Variants in PRKCD observed in about 807,000 individuals in gnomAD.
PRKCD encodes protein kinase C delta.
Under a neutral mutation model 82.2 loss-of-function variants are expected in PRKCD, and 20 were observed. The ratio of observed to expected loss-of-function variants is 0.24; its 90% CI spans 0.17 to 0.35. The LOEUF (loss-of-function observed/expected upper bound fraction) is 0.35, where lower values mean the gene tolerates loss of function less well. PRKCD is among the 10% of genes least tolerant of loss of function. PRKCD has a pLI of 1.00. For synonymous variants in PRKCD, 317 were observed against 337.0 expected (o/e 0.94, Z 0.65); for missense variants, 607 against 899.0 (o/e 0.68, Z 4.15).
chr3:53,187,707 G>A (rs976337408), intron 15 of PRKCD, among the ~76,000 whole-genome samples: 1 of 152,130 alleles, frequency 6.6e-6, no homozygotes, highest in Admixed American at 6.5e-5. Context: ...TCTGCCAGAA[G>A]GGACTCCTTC....
At chr3:53,186,565 C>T in intron 13 of PRKCD, 39 bp from the exon 14 acceptor site, 1 of 1,558,978 alleles carries the variant, frequency 6.4e-7, no homozygotes, top group Non-Finnish European at 8.8e-7. Flanking sequence ...GAGCCTCCTG[C>T]CTATTCCTCA....
At chr3:53,168,578 G>A (rs528723332) in intron 2 of PRKCD, among the ~76,000 whole-genome samples, 2 of 152,086 alleles carry the variant, frequency 1.3e-5, no homozygotes, top group South Asian at 4.2e-4. Flanking sequence ...CTTGAGCCAG[G>A]GACTGGACCG....
chr3:53,162,786 C>CA (rs1174668556), intron 1 of PRKCD, among the ~76,000 whole-genome samples: 1 of 150,970 alleles, frequency 6.6e-6, no homozygotes, highest in Non-Finnish European at 1.5e-5. Flanking sequence ...CTGGGTATAT[C>CA]ATGGTGACCA....
At chr3:53,191,860 T>C (rs1467915129) in intron 18 of PRKCD, among the ~76,000 whole-genome samples, 1 of 152,206 alleles carries the variant, frequency 6.6e-6, no homozygotes, top group East Asian at 1.9e-4. Context: ...GATTCGGTGG[T>C]CTCTGAGCAA....
At chr3:53,165,956 G>T (rs1702817817) in intron 2 of PRKCD, among the ~76,000 whole-genome samples, 1 of 152,206 alleles carries the variant, frequency 6.6e-6, no homozygotes, top group Non-Finnish European at 1.5e-5. Flanking sequence ...TGGTGACTGG[G>T]TGACCGGGCC....
At chr3:53,187,667 G>A (rs782120238) in intron 15 of PRKCD, among the ~76,000 whole-genome samples, 59 of 152,104 alleles carry the variant, frequency 3.9e-4, no homozygotes, top group Non-Finnish European at 6.0e-4. Flanking sequence ...CGTCAGTCTC[G>A]CTCTGAAGCC....
chr3:53,183,526 T>C lies in PRKCD; in HGVS notation c.732T>C (p.Cys244=), dbSNP rs1553668256. 6.2e-7 allele frequency: 1 copy of C among 1,614,196 alleles called. No homozygotes were observed. The highest frequency in any genetic ancestry group is 8.5e-7 in the Non-Finnish European group (1 of 1,180,016). The stretch of plus-strand genomic sequence containing the variant: ...ACAACTACATGAGCCCCACCTTCTG[T>C]GACCACTGCGGCAGCCTGCTCTGGG... The part of the protein sequence containing the change: ...KVHNYMSPTF[C]DHCGSLLWGL... The change falls in exon 9 of 19, where the codon TGT becomes TGC. Residue 244 remains cysteine (C), a synonymous_variant. Transcript: ENST00000330452.
chr3:53,178,774 G>T lies in PRKCD; in HGVS notation c.115+237G>T, dbSNP rs76091069. Reference sequence around the variant, plus strand: ...TGGAGTTTCTGGTTCCTCCTCCCTGGTTGTTTTACCCAGCAATTTTTACAT... The same window carrying T: ...TGGAGTTTCTGGTTCCTCCTCCCTGTTTGTTTTACCCAGCAATTTTTACAT... On this transcript the variant is annotated intron_variant, in intron 3 of 18. Coordinates refer to ENST00000330452, the MANE Select transcript of PRKCD (RefSeq NM_006254.4). 7.9e-5 allele frequency among the ~76,000 whole-genome samples: 12 copies of T among 152,354 alleles called. No homozygotes were observed. The East Asian group carries it at 2.3e-3, about 29-fold the overall frequency.
rs1391550744 is a variant in PRKCD, at chr3:53,179,611, C to T, written c.150C>T (p.Thr50=). The change falls in exon 4 of 19, where the codon ACC becomes ACT. Residue 50 remains threonine (T), a synonymous_variant. Coordinates refer to ENST00000330452, the MANE Select transcript of PRKCD (RefSeq NM_006254.4). ...RGKTLVQKKP[T]MYPEWKSTFD... is the part of the protein sequence containing the mutation. The stretch of plus-strand genomic sequence containing the variant: ...AAACACTGGTGCAGAAGAAGCCGAC[C>T]ATGTATCCTGAGTGGAAGTCGACGT... 1 of 1,614,194 alleles carries T rather than the reference C, an allele frequency of 6.2e-7. No individual in the cohort carries two copies. The highest frequency in any genetic ancestry group is 2.2e-5 in the East Asian group (1 of 44,886).
rs782766336 is a variant in PRKCD at position 53,183,220 on chromosome 3, C to T, written c.657+14C>T. The stretch of plus-strand genomic sequence containing the variant: ...CGGGACACTATAGTGAGCCTGGGTC[C>T]GGGGCAGGGCTGGGGATCTGGGGGG... On this transcript the variant is annotated intron_variant, in intron 8 of 18. Transcript: ENST00000330452. The T allele has an allele frequency of 2.6e-5, 42 of 1,612,934 alleles. No homozygotes were observed. The highest frequency in any genetic ancestry group is 1.5e-4 in the African/African-American group (11 of 74,898).
At chr3:53,163,283 C>A (rs559297397) in intron 1 of PRKCD, among the ~76,000 whole-genome samples, 9 of 151,384 alleles carry the variant, frequency 5.9e-5, no homozygotes, top group Non-Finnish European at 1.2e-4. Flanking sequence ...TTGTGGGGAA[C>A]CGAGAGTGCC....
At chr3:53,184,796 C>G (rs1703609915) in intron 9 of PRKCD, 78 bp from the exon 10 acceptor site, 1 of 1,244,944 alleles carries the variant, frequency 8.0e-7, no homozygotes, top group African/African-American at 1.5e-5. Context: ...TTCTCTTGCT[C>G]TCCTGCGCCT....
intron 4 of PRKCD, among the ~76,000 whole-genome samples, chr3:53,180,708 G>C (rs1703404391): frequency 6.6e-6 from 1 of 152,202 alleles, no homozygotes; most frequent in East Asian, 1.9e-4. Flanking sequence ...CAGTCACCAG[G>C]TCTAGGTCTT....
chr3:53,185,470 A>G (rs1703638531), intron 10 of PRKCD, 134 bp from the exon 11 acceptor site: 2 of 725,120 alleles, frequency 2.8e-6, no homozygotes, highest in Non-Finnish European at 4.7e-6. Context: ...CAGCCCGAGT[A>G]GGGGGCCTGG....
rs1703747131 is a variant in PRKCD at position 53,187,413 on chromosome 3, G to C, written c.1415+11G>C. 6.2e-7 allele frequency: 1 copy of C among 1,613,432 alleles called. No individual in the cohort carries two copies. The highest frequency in any genetic ancestry group is 1.7e-5 in the Admixed American group (1 of 60,008). On this transcript the variant is annotated intron_variant, in intron 15 of 18. Coordinates refer to ENST00000330452, the MANE Select transcript of PRKCD (RefSeq NM_006254.4). ...GGGCATCATTTACAGGTGCGGGGGT[G>C]AGGGCAGCGGGGGCTCTTGGGAGGG...
At chr3:53,184,995 C>G (rs1553668684) in intron 10 of PRKCD, 21 bp downstream of exon 10, 16 of 1,605,234 alleles carry the variant, frequency 1.0e-5, no homozygotes, top group South Asian at 9.9e-5. Context: ...GCCATGGGGA[C>G]CCTGGACACA....
At position 53,186,311 on chromosome 3, in the gene PRKCD, A is replaced by G. The variant is rs1553669078; in HGVS notation, c.1231A>G (p.Thr411Ala). The change falls in exon 13 of 19, where the codon ACC becomes GCC. Residue 411 changes from threonine to alanine, a missense_variant. Physicochemically the swap from Thr to Ala is moderately conservative, Grantham distance 58. This residue lies in a region of PRKCD where 251 missense variants were observed against 423.9 expected (regional missense o/e 0.59). Transcript: ENST00000330452. The part of the protein sequence containing the change: ...LTLAAENPFL[T>A]HLICTFQTKD... ...ACTTGCCGCAGAGAATCCCTTTCTC[A>G]CCCACCTCATCTGCACCTTCCAGAC... 10 of 1,614,008 alleles carry G rather than the reference A, an allele frequency of 6.2e-6. No individual in the cohort carries two copies. The highest frequency in any genetic ancestry group is 6.8e-6 in the Non-Finnish European group (8 of 1,180,002).
Position 53,169,338 on chromosome 3 carries a change from G to T in PRKCD, c.-20+4123G>T, listed in dbSNP as rs1281563713. On this transcript the variant is annotated intron_variant, in intron 2 of 18. Transcript: ENST00000330452. This position sits in a 1 kb window ranked among gnomAD's most constrained non-coding sequence, Gnocchi z 4.7. ...ACGGGAGCCTAAAGCCAGGATTGGG[G>T]AGGAGAGGGCTCAACAGGCCTTCTA... is the stretch of plus-strand genomic sequence containing the variant. 6.6e-6 allele frequency among the ~76,000 whole-genome samples: 1 copy of T among 152,178 alleles called. No individual in the cohort carries two copies. The highest frequency in any genetic ancestry group is 1.5e-5 in the Non-Finnish European group (1 of 68,026).
At position 53,179,522 on chromosome 3, in the gene PRKCD, C is replaced by G. The variant is rs2035451; in HGVS notation, c.116-55C>G. 1,524,027 of 1,609,048 alleles carry G rather than the reference C, an allele frequency of 0.95. 724,163 individuals are homozygous for G. Among genetic ancestry groups the G allele is most frequent in the East Asian group, 1 (44,742 of 44,834 alleles). On this transcript the variant is annotated intron_variant, in intron 3 of 18. Coordinates refer to ENST00000330452, the MANE Select transcript of PRKCD (RefSeq NM_006254.4). ...GCCAGGGGAAGGCCGTGGAGGTCTA[C>G]GAGGGAGGGACAGAGGGGCCATGGC... is the stretch of plus-strand genomic sequence containing the variant.
Sources: gnomAD v4.1 joint callset for allele counts (sites outside exome capture counted in the v4.1 genomes callset) on GRCh38, gnomAD v4.1.1 for gene constraint, gnomAD v4.1.1 regional missense constraint, Gnocchi (gnomAD v3.1) non-coding constraint, MANE v1.5 for transcripts, NCBI Gene and HGNC (gene_info 2026-07-23, HGNC 2026-07-21) for gene names.